The following DIAPH3 variants were observed in gnomAD, a reference collection of about 807,000 sequenced individuals.
DIAPH3 encodes protein diaphanous homolog 3.
DIAPH3 carries 117 observed loss-of-function variants against 144.3 expected under a neutral mutation model. That is an observed-to-expected ratio of 0.81 (90% CI 0.70 to 0.95). The LOEUF (loss-of-function observed/expected upper bound fraction) is 0.95. Among genes scored for constraint, DIAPH3 ranks in the 40% least tolerant of loss-of-function variants. The pLI is 0.00. For synonymous variants in DIAPH3, 519 were observed against 488.9 expected (o/e 1.06, Z -0.81); for missense variants, 1,421 against 1,412.7 (o/e 1.01, Z -0.09).
intron 27 of DIAPH3, among the ~76,000 whole-genome samples, chr13:59,762,052 C>CGTT: frequency 1.7e-5 from 1 of 59,520 alleles, no homozygotes; most frequent in South Asian, 9.6e-4. Context: ...GCGTCAGCAT[C>CGTT]TTTTTTTTTT....
chr13:60,030,992 C>G (rs1230931072), intron 5 of DIAPH3, among the ~76,000 whole-genome samples: 1 of 152,112 alleles, frequency 6.6e-6, no homozygotes, highest in East Asian at 1.9e-4. Flanking sequence ...TTGGGTGTTT[C>G]TTTCATATTA....
intron 1 of DIAPH3, among the ~76,000 whole-genome samples, chr13:60,148,561 C>T (rs551089728): frequency 4.0e-5 from 6 of 151,652 alleles, no homozygotes; most frequent in Non-Finnish European, 7.4e-5. Flanking sequence ...ACTAGAAGCA[C>T]GTATAAAGTA....
chr13:59,771,538 G>A (rs2038122109), intron 27 of DIAPH3, among the ~76,000 whole-genome samples: 1 of 152,030 alleles, frequency 6.6e-6, no homozygotes, highest in African/African-American at 2.4e-5. Flanking sequence ...CTGAGAGGCT[G>A]TGTCTCAATT....
intron 27 of DIAPH3, among the ~76,000 whole-genome samples, chr13:59,690,369 A>G (rs572626229): frequency 6.6e-6 from 1 of 152,316 alleles, no homozygotes; most frequent in East Asian, 1.9e-4. Context: ...AAAGCAAATT[A>G]GTGAAAGAGC....
chr13:59,955,063 CATATATATATATACATGT>C (rs71793469), intron 17 of DIAPH3, among the ~76,000 whole-genome samples: 12,044 of 119,572 alleles, frequency 0.1, 777 homozygotes, highest in East Asian at 0.4. Context: ...AATATTCTTT[CATATATATATATACATGT>C]ATATATATAT....
At chr13:60,054,068 C>A (rs1346849494) in intron 4 of DIAPH3, among the ~76,000 whole-genome samples, 4 of 151,974 alleles carry the variant, frequency 2.6e-5, no homozygotes, top group Non-Finnish European at 1.5e-5. Flanking sequence ...AGACTGTTTT[C>A]CAACTCACTA....
intron 20 of DIAPH3, among the ~76,000 whole-genome samples, chr13:59,900,285 A>G (rs1377918602): frequency 6.6e-6 from 1 of 152,196 alleles, no homozygotes; most frequent in Non-Finnish European, 1.5e-5. Context: ...ATCATGATGT[A>G]TTAGAGATTA....
intron 27 of DIAPH3, among the ~76,000 whole-genome samples, chr13:59,720,970 G>C (rs2035314315): frequency 6.6e-6 from 1 of 152,058 alleles, no homozygotes; most frequent in African/African-American, 2.4e-5. Flanking sequence ...TAGGAATTTA[G>C]CCTAATTTCC....
chr13:59,902,956 T>C (rs1027901654), intron 20 of DIAPH3, among the ~76,000 whole-genome samples: 1 of 152,122 alleles, frequency 6.6e-6, no homozygotes, highest in Admixed American at 6.5e-5. Context: ...CAAATGGCCA[T>C]CTAAAGCACC....
intron 27 of DIAPH3, among the ~76,000 whole-genome samples, chr13:59,728,125 A>G (rs1340697633): frequency 6.6e-6 from 1 of 152,074 alleles, no homozygotes; most frequent in African/African-American, 2.4e-5. Context: ...AGAAAGTCCT[A>G]CATGAGTTGA....
intron 2 of DIAPH3, among the ~76,000 whole-genome samples, chr13:60,129,149 A>C (rs2059071194): frequency 6.6e-6 from 1 of 152,158 alleles, no homozygotes; most frequent in Non-Finnish European, 1.5e-5. Context: ...CAGTGGACAC[A>C]CTGATGGATA....
chr13:59,770,371 T>C (rs1453554400), intron 27 of DIAPH3, among the ~76,000 whole-genome samples: 3 of 152,116 alleles, frequency 2.0e-5, no homozygotes, highest in Admixed American at 6.6e-5. Context: ...CAACTAAGTA[T>C]TGGGGTTACA....
chr13:60,086,893 G>T (rs919063508), intron 4 of DIAPH3, among the ~76,000 whole-genome samples: 11 of 152,040 alleles, frequency 7.2e-5, no homozygotes, highest in Admixed American at 5.2e-4. Flanking sequence ...TTTCCATGTA[G>T]AGAAAATACA....
chr13:59,680,429 C>T lies in DIAPH3; in HGVS notation c.3320-13583G>A, dbSNP rs147378476. Among the ~76,000 whole-genome samples, 221 of 152,240 alleles carry T rather than the reference C, an allele frequency of 1.5e-3. 2 individuals carry two copies. The highest frequency in any genetic ancestry group is 5.1e-3 in the African/African-American group (214 of 41,556). ...GCAAGCATTTAAACTCATAGATTAA[C>T]GAAGTTGGTTCTGACCTCTGTTCCT... On this transcript the variant is annotated intron_variant, in intron 27 of 27. Coordinates refer to ENST00000400324, the MANE Select transcript of DIAPH3 (RefSeq NM_001042517.2).
At position 59,693,835 on chromosome 13, in the gene DIAPH3, C is replaced by T. The variant is rs1593593987; in HGVS notation, c.3320-26989G>A. The stretch of plus-strand genomic sequence containing the variant: ...TGAATTTTAAATGATCCTTATAATC[C>T]TCATTTAGAAAGCAAGGCCAAAAGT... On this transcript the variant is annotated intron_variant, in intron 27 of 27. Transcript: ENST00000400324. 3.3e-5 allele frequency among the ~76,000 whole-genome samples: 5 copies of T among 151,956 alleles called. 1 individual carries two copies. The highest frequency in any genetic ancestry group is 3.3e-4 in the Admixed American group (5 of 15,260).
intron 27 of DIAPH3, among the ~76,000 whole-genome samples, chr13:59,729,044 C>T (rs1365585531): frequency 6.6e-6 from 1 of 152,042 alleles, no homozygotes; most frequent in East Asian, 1.9e-4. Context: ...TCAGAAGGCA[C>T]AAGAATGTTT....
intron 7 of DIAPH3, chr13:60,012,928 A>T (rs895450695): frequency 1.1e-6 from 1 of 894,634 alleles, no homozygotes; most frequent in African/African-American, 1.8e-5. Flanking sequence ...GAGGCCAATT[A>T]CTACTACTCA....
At chr13:60,053,820 A>G (rs908570081) in intron 4 of DIAPH3, among the ~76,000 whole-genome samples, 2 of 152,094 alleles carry the variant, frequency 1.3e-5, no homozygotes, top group African/African-American at 4.8e-5. Context: ...TCTACCATTT[A>G]TTAATGACCA....
chr13:59,911,576 G>A lies in DIAPH3; in HGVS notation c.2367+159C>T, dbSNP rs73196165. 0.11 allele frequency among the ~76,000 whole-genome samples: 16,554 copies of A among 152,082 alleles called. 916 individuals are homozygous for A. Among genetic ancestry groups the A allele is most frequent in the Admixed American group, 0.15 (2,233 of 15,294 alleles). On this transcript the variant is annotated intron_variant, in intron 20 of 27. Transcript: ENST00000400324. ...GTTTCAATATATATTTTAAATCAAG[G>A]TAATTTCACATGAATATCCTTAAGT...
Sources: gnomAD v4.1 joint callset for allele counts (sites outside exome capture counted in the v4.1 genomes callset) on GRCh38, gnomAD v4.1.1 for gene constraint, MANE v1.5 for transcripts, NCBI Gene and HGNC (gene_info 2026-07-23, HGNC 2026-07-21) for gene names.